MCC: variants seen among roughly 807,000 people sequenced by gnomAD.
The protein encoded by MCC is colorectal mutant cancer protein.
In MCC, 90 loss-of-function variants were observed where a neutral mutation model predicts 116.2. The ratio of observed to expected loss-of-function variants is 0.77; its 90% CI spans 0.65 to 0.92. The LOEUF (loss-of-function observed/expected upper bound fraction) is 0.92. Among genes scored for constraint, MCC ranks in the 40% least tolerant of loss-of-function variants. The pLI is 0.00. For missense variants in MCC, 1,516 were observed against 1,312.2 expected, an observed-to-expected ratio of 1.16 and a Z score of -2.40; for synonymous variants, 578 against 510.5, an observed-to-expected ratio of 1.13 and a Z score of -1.78.
At chr5:113,370,183 C>T (rs78656948) in intron 2 of MCC, among the ~76,000 whole-genome samples, 5,629 of 152,238 alleles carry the variant, frequency 0.037, 363 homozygotes, top group African/African-American at 0.13. Flanking sequence ...CAATGGATGA[C>T]GTAGCAGAAC....
At chr5:113,139,973 C>T (rs138555799) in intron 5 of MCC, among the ~76,000 whole-genome samples, 4,992 of 152,106 alleles carry the variant, frequency 0.033, 118 homozygotes, top group South Asian at 0.12. Flanking sequence ...AAACTATCAA[C>T]AGAGTAAACA....
chr5:113,434,413 G>A lies in MCC; in HGVS notation c.171-49201C>T. On this transcript the variant is annotated intron_variant, in intron 1 of 18. Transcript: ENST00000408903. The surrounding 1 kb of genome is among the most constrained non-coding windows in gnomAD (Gnocchi z 4.2). ...TTGATGTTGAAGTCCTTGTCAAGGAGAAGGTTGTCACACTTGAGGTCCCGG... is the reference window on the plus strand; with the variant it reads ...TTGATGTTGAAGTCCTTGTCAAGGAAAAGGTTGTCACACTTGAGGTCCCGG... 6.2e-7 allele frequency: 1 copy of A among 1,614,008 alleles called. No individual in the cohort carries two copies.
chr5:113,287,098 C>A (rs1766292621), intron 3 of MCC, among the ~76,000 whole-genome samples: 1 of 151,778 alleles, frequency 6.6e-6, no homozygotes, highest in Non-Finnish European at 1.5e-5. Flanking sequence ...AAAGAGGGTT[C>A]AAAAAAATAA....
In MCC at chr5:113,068,154, A is replaced by T. The variant is rs777351696; in HGVS notation, c.1955T>A (p.Leu652His). ...SEQCIEAYEL[L>H]LALAESEQSL... is the part of the protein sequence containing the mutation. Reference sequence around the variant, plus strand: ...CTGCTCACTCTCTGCCAGCGCCAGGAGGAGTTCGTAGGCTTCGATGCACTG... The same window carrying T: ...CTGCTCACTCTCTGCCAGCGCCAGGTGGAGTTCGTAGGCTTCGATGCACTG... Residue 652 changes from leucine (L) to histidine (H), a missense_variant, in exon 13 of 19, where the codon CTC becomes CAC. Physicochemically the swap from Leu to His is moderately conservative, Grantham distance 99. Coordinates refer to ENST00000408903, the MANE Select transcript of MCC (RefSeq NM_001085377.2). The T allele has an allele frequency of 7.5e-5, 121 of 1,614,036 alleles. No homozygotes were observed. Among genetic ancestry groups the T allele is most frequent in the Non-Finnish European group, 9.8e-5 (116 of 1,180,030 alleles).
intron 2 of MCC, among the ~76,000 whole-genome samples, chr5:113,381,067 C>G (rs1329418651): frequency 6.6e-6 from 1 of 152,096 alleles, no homozygotes; most frequent in Non-Finnish European, 1.5e-5. Context: ...AATAAAATGT[C>G]AGGAGCCAAG....
chr5:113,279,067 G>C (rs973413168), intron 3 of MCC, among the ~76,000 whole-genome samples: 1 of 152,194 alleles, frequency 6.6e-6, no homozygotes, highest in East Asian at 1.9e-4. Flanking sequence ...TGGGGTTTTT[G>C]ATAGTCAGAT....
chr5:113,178,965 A>G (rs1761475629), intron 3 of MCC, among the ~76,000 whole-genome samples: 1 of 152,208 alleles, frequency 6.6e-6, no homozygotes, highest in Admixed American at 6.5e-5. Context: ...GTAACTGTTA[A>G]GACTTAAATT....
intron 3 of MCC, among the ~76,000 whole-genome samples, chr5:113,168,335 G>A (rs1176034981): frequency 6.6e-6 from 1 of 152,166 alleles, no homozygotes; most frequent in African/African-American, 2.4e-5. Context: ...CAGATGTTAA[G>A]AGTACTTTCA....
chr5:113,095,118 G>A (rs1267493545), intron 8 of MCC, among the ~76,000 whole-genome samples: 3 of 152,200 alleles, frequency 2.0e-5, no homozygotes, highest in Non-Finnish European at 4.4e-5. Context: ...AGAATGCCAG[G>A]AGAGTGGGTC....
intron 1 of MCC, among the ~76,000 whole-genome samples, chr5:113,422,870 C>T (rs1032689055): frequency 1.3e-5 from 2 of 152,190 alleles, no homozygotes; most frequent in Non-Finnish European, 2.9e-5. Flanking sequence ...TGTTCCCTTT[C>T]AATGCCTCCT....
chr5:113,327,561 A>AAAAAATAT (rs1480996383), intron 3 of MCC, among the ~76,000 whole-genome samples: 45 of 80,552 alleles, frequency 5.6e-4, no homozygotes, highest in Non-Finnish European at 7.9e-4. Flanking sequence ...AAAAAAAAAA[A>AAAAAATAT]ATATATATAT....
At chr5:113,100,396 T>A (rs1026507830) in intron 8 of MCC, among the ~76,000 whole-genome samples, 14 of 151,800 alleles carry the variant, frequency 9.2e-5, no homozygotes, top group Admixed American at 3.3e-4. Flanking sequence ...ATTTACAAGG[T>A]CTTTTTTATG....
intron 3 of MCC, among the ~76,000 whole-genome samples, chr5:113,266,285 C>G (rs1163550093): frequency 6.6e-6 from 1 of 151,844 alleles, no homozygotes; most frequent in Non-Finnish European, 1.5e-5. Flanking sequence ...ACCAGCAATT[C>G]TGAAAAAACC....
At chr5:113,275,129 G>A (rs1033638845) in intron 3 of MCC, among the ~76,000 whole-genome samples, 1 of 152,024 alleles carries the variant, frequency 6.6e-6, no homozygotes, top group Non-Finnish European at 1.5e-5. Flanking sequence ...CGCGCGGGTG[G>A]GCCACTGGAT....
intron 3 of MCC, among the ~76,000 whole-genome samples, chr5:113,180,079 G>C (rs929820517): frequency 6.6e-6 from 1 of 152,080 alleles, no homozygotes; most frequent in African/African-American, 2.4e-5. Context: ...ACAGTGGCCC[G>C]ACAGCCTCCT....
intron 3 of MCC, among the ~76,000 whole-genome samples, chr5:113,229,202 A>C (rs990968356): frequency 6.6e-6 from 1 of 152,194 alleles, no homozygotes; most frequent in African/African-American, 2.4e-5. Flanking sequence ...GCAGAGACGA[A>C]GAAGGGATAG....
At chr5:113,401,903 G>C (rs1056263741) in intron 1 of MCC, among the ~76,000 whole-genome samples, 19 of 151,864 alleles carry the variant, frequency 1.3e-4, no homozygotes, top group African/African-American at 4.6e-4. Flanking sequence ...AGGTTGGAAT[G>C]CAGTGGTGTG....
chr5:113,455,827 A>G (rs1345163646), intron 1 of MCC, among the ~76,000 whole-genome samples: 1 of 152,220 alleles, frequency 6.6e-6, no homozygotes, highest in Non-Finnish European at 1.5e-5. Flanking sequence ...AAACTTGTGA[A>G]AAAGCCGTCC....
rs185146545 is a variant in MCC at position 113,275,191 on chromosome 5, C to G, written c.627+65328G>C. Among the ~76,000 whole-genome samples, 604 of 152,238 alleles carry G rather than the reference C, an allele frequency of 4.0e-3. 2 individuals carry two copies. Among genetic ancestry groups the G allele is most frequent in the Non-Finnish European group, 6.3e-3 (431 of 68,012 alleles). ...AAAACACCCTGAAGCTACAAGCAGCCCCTCCTCCATTGTGCTACAAAAATA... is the reference window on the plus strand; with the variant it reads ...AAAACACCCTGAAGCTACAAGCAGCGCCTCCTCCATTGTGCTACAAAAATA... On this transcript the variant is annotated intron_variant, in intron 3 of 18. Coordinates refer to ENST00000408903, the MANE Select transcript of MCC (RefSeq NM_001085377.2).
Sources: allele counts gnomAD v4.1 joint callset (sites outside exome capture counted in the v4.1 genomes callset), GRCh38; gene constraint gnomAD v4.1.1; non-coding constraint Gnocchi (gnomAD v3.1); transcripts MANE v1.5; gene names NCBI Gene and HGNC (gene_info 2026-07-23, HGNC 2026-07-21).